The following DNAH14 variants were observed in gnomAD, a reference collection of about 807,000 sequenced individuals.
DNAH14 encodes the protein dynein axonemal heavy chain 14.
A neutral mutation model predicts 520.9 loss-of-function variants in DNAH14; 478 were observed. That is an observed-to-expected ratio of 0.92 (90% CI 0.85 to 0.99). DNAH14 has a LOEUF of 0.99. Among genes scored for constraint, DNAH14 ranks in the 50% least tolerant of loss-of-function variants. The pLI is 0.00. For missense variants in DNAH14, 4,831 were observed against 5,234.5 expected (o/e 0.92, Z 2.38); for synonymous variants, 1,581 against 1,757.2 (o/e 0.90, Z 2.51).
chr1:224,991,476 T>G (rs1392256972), intron 8 of DNAH14, among the ~76,000 whole-genome samples: 1 of 151,666 alleles, frequency 6.6e-6, no homozygotes, highest in East Asian at 2.0e-4. Flanking sequence ...ATTTTCTAAT[T>G]GGGTTGTTTT....
At chr1:225,106,145 T>G (rs529553088) in intron 23 of DNAH14, among the ~76,000 whole-genome samples, 2 of 150,544 alleles carry the variant, frequency 1.3e-5, no homozygotes, top group South Asian at 4.2e-4. Flanking sequence ...TTATGGAGCT[T>G]AGTTTGGCTG....
At chr1:224,969,152 G>A (rs78324355) in intron 7 of DNAH14, 2,670 of 252,618 alleles carry the variant, frequency 0.011, 24 homozygotes, top group Non-Finnish European at 0.014. Flanking sequence ...AGAATGAGAT[G>A]TTCCATAAAA....
chr1:225,224,927 C>G (rs1026880962), intron 41 of DNAH14, among the ~76,000 whole-genome samples: 4 of 152,194 alleles, frequency 2.6e-5, no homozygotes, highest in Non-Finnish European at 4.4e-5. Flanking sequence ...TCTGTGTGCA[C>G]TTTTTCTTTG....
At chr1:225,023,544 C>G in intron 10 of DNAH14, 71 bp from the exon 11 acceptor site, 2 of 1,282,094 alleles carry the variant, frequency 1.6e-6, no homozygotes, top group Non-Finnish European at 2.1e-6. Flanking sequence ...ATAAAAAAAA[C>G]TAAACTAGAA....
chr1:225,320,604 A>G (rs1393614404), intron 61 of DNAH14, among the ~76,000 whole-genome samples: 1 of 152,226 alleles, frequency 6.6e-6, no homozygotes, highest in Non-Finnish European at 1.5e-5. Context: ...TAGCAGATGC[A>G]CAGCTTAGTC....
intron 49 of DNAH14, 107 bp from the exon 50 acceptor site, chr1:225,270,628 G>C: frequency 1.1e-6 from 1 of 948,480 alleles, no homozygotes. Context: ...AAATCTTTTT[G>C]TCTAAATGTT....
intron 54 of DNAH14, among the ~76,000 whole-genome samples, chr1:225,286,049 A>G (rs1408029817): frequency 2.6e-5 from 4 of 152,232 alleles, no homozygotes; most frequent in Non-Finnish European, 4.4e-5. Flanking sequence ...AAGTTAGGCA[A>G]GGAAAGAGAA....
In DNAH14 at chr1:225,085,733, G is replaced by A. The variant is rs1433102300; in HGVS notation, c.3517G>A (p.Glu1173Lys). Residue 1173 changes from glutamate to lysine, a missense_variant, in exon 21 of 86, where the codon GAG becomes AAG. By Grantham distance (56) the Glu-to-Lys change is moderately conservative. Coordinates refer to ENST00000682510, the MANE Select transcript of DNAH14 (RefSeq NM_001367479.1). ...AGATGACATATCAGCTCAGTTAGAAGAGTCTCAAGTCATACTTGCAACAAT... is the reference window on the plus strand; with the variant it reads ...AGATGACATATCAGCTCAGTTAGAAAAGTCTCAAGTCATACTTGCAACAAT... The part of the protein sequence containing the change: ...SIDDISAQLE[E>K]SQVILATIKG... The A allele has an allele frequency of 1.3e-6, 2 of 1,551,354 alleles. No homozygotes were observed. The highest frequency in any genetic ancestry group is 1.7e-6 in the Non-Finnish European group (2 of 1,146,810).
At chr1:225,026,125 C>T (rs1390467361) in intron 11 of DNAH14, among the ~76,000 whole-genome samples, 3 of 151,996 alleles carry the variant, frequency 2.0e-5, no homozygotes, top group Non-Finnish European at 4.4e-5. Context: ...CTATCATGCC[C>T]AACTAAGTTA....
chr1:225,063,133 A>AG (rs398103761), intron 17 of DNAH14, among the ~76,000 whole-genome samples: 3 of 151,912 alleles, frequency 2.0e-5, no homozygotes, highest in Non-Finnish European at 4.4e-5. Context: ...ATTTAAAAAA[A>AG]GCAAAATAGC....
At chr1:225,214,554 G>T (rs1180155045) in intron 41 of DNAH14, among the ~76,000 whole-genome samples, 1 of 152,098 alleles carries the variant, frequency 6.6e-6, no homozygotes, top group Non-Finnish European at 1.5e-5. Flanking sequence ...TTTTTGGTTG[G>T]TAGGCTATTA....
intron 77 of DNAH14, 116 bp from the exon 78 acceptor site, chr1:225,374,572 A>G (rs2150693930): frequency 9.8e-7 from 1 of 1,019,728 alleles, no homozygotes; most frequent in South Asian, 2.3e-5. Flanking sequence ...ATTTCTATAT[A>G]TTTTTTAAAG....
intron 17 of DNAH14, among the ~76,000 whole-genome samples, chr1:225,061,824 A>T (rs954660210): frequency 6.6e-6 from 1 of 152,188 alleles, no homozygotes; most frequent in Non-Finnish European, 1.5e-5. Flanking sequence ...CACTTAAATT[A>T]CATACTCCCA....
At chr1:225,178,245 C>A (rs1398151257) in intron 36 of DNAH14, among the ~76,000 whole-genome samples, 1 of 152,110 alleles carries the variant, frequency 6.6e-6, no homozygotes, top group Non-Finnish European at 1.5e-5. Flanking sequence ...AAAAGACATA[C>A]CCAAGACTGG....
Position 224,968,845 on chromosome 1 carries a change from AC to A in DNAH14, c.739del (p.Arg247GlyfsTer11). On this transcript the variant is annotated frameshift_variant, in exon 7 of 86. Transcript: ENST00000682510. LOFTEE classifies it high-confidence loss of function. ...LSERRHYYLL[R>X]QFKIFSDFRM... Reference sequence around the variant, plus strand: ...CAGAAAGAAGACATTACTATTTATTACGGCAATTCAAGATATTTTCTGATTT... The same window carrying A: ...CAGAAAGAAGACATTACTATTTATTAGGCAATTCAAGATATTTTCTGATTT... 5 of 1,544,082 alleles carry A rather than the reference AC, an allele frequency of 3.2e-6. No homozygotes were observed. The highest frequency in any genetic ancestry group is 3.5e-6 in the Non-Finnish European group (4 of 1,144,556).
rs2066214381 is a variant in DNAH14 at position 225,027,577 on chromosome 1, G to A, written c.1358+3712G>A. Among the ~76,000 whole-genome samples the A allele has an allele frequency of 2.0e-5, 3 of 152,120 alleles. No individual in the cohort carries two copies. The South Asian group carries it at 6.2e-4, about 31-fold the overall frequency. On this transcript the variant is annotated intron_variant, in intron 11 of 85. Coordinates refer to ENST00000682510, the MANE Select transcript of DNAH14 (RefSeq NM_001367479.1). ...AGGAAACTTACAATAATGGCAGAAG[G>A]TGAAGAGGGAAGCAGGCATGTTTTA...
At chr1:225,094,818 C>CAAA (rs140729760) in intron 21 of DNAH14, among the ~76,000 whole-genome samples, 24 of 91,182 alleles carry the variant, frequency 2.6e-4, no homozygotes, top group Non-Finnish European at 5.7e-4. Context: ...CATTTACAGG[C>CAAA]AAAAAAAAAA....
At chr1:224,978,557 G>A (rs2062028481) in intron 8 of DNAH14, among the ~76,000 whole-genome samples, 1 of 152,082 alleles carries the variant, frequency 6.6e-6, no homozygotes, top group Admixed American at 6.6e-5. Flanking sequence ...TAGATGGGAG[G>A]AATAAGTTGT....
intron 15 of DNAH14, among the ~76,000 whole-genome samples, chr1:225,045,984 C>T (rs1402069802): frequency 6.6e-6 from 1 of 151,952 alleles, no homozygotes; most frequent in African/African-American, 2.4e-5. Context: ...TTTCTTTCAT[C>T]CCATATACAT....
Sources: gnomAD v4.1 joint callset for allele counts (sites outside exome capture counted in the v4.1 genomes callset) on GRCh38, gnomAD v4.1.1 for gene constraint, MANE v1.5 for transcripts, NCBI Gene and HGNC (gene_info 2026-07-23, HGNC 2026-07-21) for gene names.